Variants in TMPRSS15 observed in about 807,000 individuals in gnomAD.
The protein encoded by TMPRSS15 is enteropeptidase.
In TMPRSS15, 128 loss-of-function variants were observed where a neutral mutation model predicts 125.3. That is an observed-to-expected ratio of 1.02 (90% CI 0.89 to 1.18). TMPRSS15 has a LOEUF of 1.18. TMPRSS15 is among the 50% of genes most tolerant of loss of function. TMPRSS15 has a pLI of 0.00. For missense variants in TMPRSS15, 1,283 were observed against 1,212.7 expected (o/e 1.06, Z -0.86); for synonymous variants, 446 against 423.2 (o/e 1.05, Z -0.66).
intron 1 of TMPRSS15, among the ~76,000 whole-genome samples, chr21:18,403,178 C>A (rs2076112600): frequency 6.6e-6 from 1 of 152,060 alleles, no homozygotes; most frequent in Admixed American, 6.6e-5. Flanking sequence ...TATGTTGAAA[C>A]CAAGATACTT....
chr21:18,274,813 CTGTTTTTGTTTGTTTGTT>C (rs746639970), intron 24 of TMPRSS15, among the ~76,000 whole-genome samples: 47 of 152,116 alleles, frequency 3.1e-4, no homozygotes, highest in Non-Finnish European at 6.5e-4. Context: ...CCCTCAAGCC[CTGTTTTTGTTTGTTTGTT>C]TGTTTTAAGT....
intron 1 of TMPRSS15, among the ~76,000 whole-genome samples, chr21:18,435,972 G>C (rs1410673588): frequency 5.2e-4 from 77 of 146,948 alleles, no homozygotes; most frequent in South Asian, 1.3e-3. Context: ...GGGATCGGTG[G>C]TGATATCCCC....
intron 1 of TMPRSS15, among the ~76,000 whole-genome samples, chr21:18,446,300 T>C (rs2076255667): frequency 6.6e-6 from 1 of 151,920 alleles, no homozygotes. Context: ...ATGAAAGAAA[T>C]TGAAGAGGAC....
intron 10 of TMPRSS15, among the ~76,000 whole-genome samples, chr21:18,344,265 C>A (rs1252152854): frequency 6.6e-6 from 1 of 152,164 alleles, no homozygotes; most frequent in East Asian, 1.9e-4. Context: ...TAGCTTAACA[C>A]TGGGCCTCCC....
chr21:18,461,750 T>C (rs1217599948), intron 1 of TMPRSS15, among the ~76,000 whole-genome samples: 1 of 152,140 alleles, frequency 6.6e-6, no homozygotes, highest in Admixed American at 6.5e-5. Flanking sequence ...AGTAAAACTA[T>C]ATAATTTTTG....
At chr21:18,350,691 A>C (rs9305864) in intron 10 of TMPRSS15, among the ~76,000 whole-genome samples, 30,840 of 151,756 alleles carry the variant, frequency 0.2, 3,302 homozygotes, top group South Asian at 0.31. Flanking sequence ...TCCTCTTACA[A>C]AGCTTCATAT....
At chr21:18,312,643 TA>T (rs1169072509) in intron 18 of TMPRSS15, among the ~76,000 whole-genome samples, 2 of 151,830 alleles carry the variant, frequency 1.3e-5, no homozygotes, top group Middle Eastern at 3.4e-3. Flanking sequence ...AATATTTCAT[TA>T]AAAAATCATC....
chr21:18,313,674 G>A (rs2075126698), intron 17 of TMPRSS15, among the ~76,000 whole-genome samples: 1 of 151,710 alleles, frequency 6.6e-6, no homozygotes, highest in Non-Finnish European at 1.5e-5. Context: ...ATGATGGAAG[G>A]TCTAATTTGA....
chr21:18,327,019 GA>G (rs1182012251), intron 15 of TMPRSS15, among the ~76,000 whole-genome samples: 3 of 152,162 alleles, frequency 2.0e-5, no homozygotes, highest in Non-Finnish European at 4.4e-5. Context: ...TGGAGATTGG[GA>G]ATATTAACTA....
rs748706392 is a variant in TMPRSS15, at chr21:18,398,311, C to T, written c.164G>A (p.Ser55Asn). The T allele has an allele frequency of 2.0e-5, 32 of 1,613,708 alleles. No homozygotes were observed. The Middle Eastern group carries it at 6.6e-4, about 33-fold the overall frequency. The stretch of plus-strand genomic sequence containing the variant: ...TTTAAATGTCGCTCTGGCTTCATGA[C>T]TCTGTCCAAGTGCTGCACCTAGATA... ...ESQRGAALGQSHEARATFKIT... is the reference protein window; with the variant it reads ...ESQRGAALGQNHEARATFKIT... Residue 55 changes from serine (S) to asparagine (N), a missense_variant, in exon 2 of 25, where the codon AGT becomes AAT. By Grantham distance (46) the Ser-to-Asn change is conservative. Coordinates refer to ENST00000284885, the MANE Select transcript of TMPRSS15 (RefSeq NM_002772.3).
At chr21:18,297,964 A>C (rs2146906596) in intron 18 of TMPRSS15, 135 bp from the exon 19 acceptor site, 2 of 639,626 alleles carry the variant, frequency 3.1e-6, no homozygotes, top group Middle Eastern at 8.3e-4. Flanking sequence ...GAACGTTTTA[A>C]TATAAAACTT....
chr21:18,440,520 C>A (rs1002017362), intron 1 of TMPRSS15, among the ~76,000 whole-genome samples: 1 of 151,794 alleles, frequency 6.6e-6, no homozygotes, highest in African/African-American at 2.4e-5. Context: ...CGATGTGTAT[C>A]AGAATCTTAG....
intron 10 of TMPRSS15, among the ~76,000 whole-genome samples, chr21:18,346,827 C>A (rs1187352604): frequency 1.3e-5 from 2 of 152,182 alleles, no homozygotes; most frequent in Non-Finnish European, 2.9e-5. Context: ...TATGCACAAT[C>A]AAATTAGCCC....
chr21:18,440,372 CA>C lies in TMPRSS15; in HGVS notation c.11-42044del, dbSNP rs539968323. Among the ~76,000 whole-genome samples the C allele has an allele frequency of 4.4e-4, 21 of 47,432 alleles. 1 individual carries two copies. Among genetic ancestry groups the C allele is most frequent in the African/African-American group, 1.6e-3 (19 of 12,088 alleles). 31.1% of individuals were successfully genotyped at this position (47,432 alleles called of 152,430 possible). ...TGGGCGACAGAGCGAAACTCCGTCTCAAAAAAAAAAAAAAAAAGAAAACTGT... is the reference window on the plus strand; with the variant it reads ...TGGGCGACAGAGCGAAACTCCGTCTCAAAAAAAAAAAAAAAAGAAAACTGT... On this transcript the variant is annotated intron_variant, in intron 1 of 7. Transcript: ENST00000422787.
intron 1 of TMPRSS15, among the ~76,000 whole-genome samples, chr21:18,467,535 G>A (rs1356239933): frequency 1.3e-5 from 2 of 152,046 alleles, no homozygotes; most frequent in Non-Finnish European, 2.9e-5. Flanking sequence ...AGCAGATAGA[G>A]TGGTTTACCT....
chr21:18,444,610 G>A (rs911231337), intron 1 of TMPRSS15, among the ~76,000 whole-genome samples: 4 of 152,006 alleles, frequency 2.6e-5, no homozygotes, highest in Admixed American at 1.3e-4. Context: ...TTGTGCACAT[G>A]TACCCTAGAA....
rs2076120106 is a variant in TMPRSS15, at chr21:18,403,777, C to T, written c.-155G>A. 2 of 830,926 alleles carry T rather than the reference C, an allele frequency of 2.4e-6. No homozygotes were observed. Among genetic ancestry groups the T allele is most frequent in the Non-Finnish European group, 1.9e-6 (1 of 519,076 alleles). The allele number at this position is 830,926 out of a possible 1,614,324, so 51.5% of individuals were successfully genotyped here. The stretch of plus-strand genomic sequence containing the variant: ...GTCAGTGTAAGTGAGTTGTGTATGT[C>T]TCTTTGGCAAAATTATGTCTCTATA... On this transcript the variant is annotated 5_prime_UTR_variant, in exon 1 of 25. Coordinates refer to ENST00000284885, the MANE Select transcript of TMPRSS15 (RefSeq NM_002772.3).
intron 1 of TMPRSS15, among the ~76,000 whole-genome samples, chr21:18,431,205 AT>A: frequency 6.6e-6 from 1 of 152,202 alleles, no homozygotes; most frequent in Non-Finnish European, 1.5e-5. Flanking sequence ...AAGGCTACAA[AT>A]GTCTTAAGAA....
intron 10 of TMPRSS15, among the ~76,000 whole-genome samples, chr21:18,346,458 T>A (rs2075509947): frequency 6.6e-6 from 1 of 152,266 alleles, no homozygotes; most frequent in Non-Finnish European, 1.5e-5. Flanking sequence ...ATAACATATT[T>A]GTTAGCTCTA....
Sources: allele counts gnomAD v4.1 joint callset (sites outside exome capture counted in the v4.1 genomes callset), GRCh38; gene constraint gnomAD v4.1.1; transcripts MANE v1.5; gene names NCBI Gene and HGNC (gene_info 2026-07-23, HGNC 2026-07-21).